PLCH1: variants seen among roughly 807,000 people sequenced by gnomAD.
PLCH1 encodes the protein 1-phosphatidylinositol 4,5-bisphosphate phosphodiesterase eta-1.
A neutral mutation model predicts 126.7 loss-of-function variants in PLCH1; 60 were observed. That is an observed-to-expected ratio of 0.47 (90% confidence interval 0.38 to 0.59). The LOEUF is 0.59. Ranked by LOEUF, PLCH1 falls within the 20% of genes least tolerant of loss-of-function variation. The probability of loss-of-function intolerance (pLI) is 0.00; values close to 1 mark genes in which losing one functional copy is unlikely to be tolerated. For missense variants in PLCH1, 1,723 were observed against 2,040.0 expected, an observed-to-expected ratio of 0.84 and a Z score of 2.99; for synonymous variants, 719 against 734.9, an observed-to-expected ratio of 0.98 and a Z score of 0.35.
intron 2 of PLCH1, among the ~76,000 whole-genome samples, chr3:155,694,952 CTTT>C (rs201292066): frequency 8.7e-5 from 10 of 115,196 alleles, no homozygotes; most frequent in Admixed American, 9.6e-5. Flanking sequence ...AAAGCTAGTG[CTTT>C]TTTTTTTTTT....
rs1348559045 is a variant in PLCH1 at position 155,593,952 on chromosome 3, C to T, written c.459G>A (p.Arg153=). Residue 153 remains arginine, a synonymous_variant, in exon 4 of 23, where the codon AGG becomes AGA. Transcript: ENST00000460012. ...TCTAGAAAGGATATTGGTCATGGGT[C>T]CTCTGCCTTTTGGCAAGGGAGTCTT... ...SDEDSLAKRQ[R]THDQWVKQTF... is the part of the protein sequence containing the mutation. The T allele has an allele frequency of 2.5e-6, 4 of 1,613,920 alleles. No homozygotes were observed. Among genetic ancestry groups the T allele is most frequent in the East Asian group, 2.2e-5 (1 of 44,890 alleles).
At chr3:155,741,684 C>CTTTTATTTTTTTTTTATTTTTATTTTTA in intron 1 of PLCH1, among the ~76,000 whole-genome samples, 1 of 102,868 alleles carries the variant, frequency 9.7e-6, no homozygotes, top group Non-Finnish European at 1.7e-5. Flanking sequence ...TTTATATCCT[C>CTTTTATTTTTTTTTTATTTTTATTTTTA]TTTTTTTTTT....
intron 5 of PLCH1, among the ~76,000 whole-genome samples, chr3:155,584,111 T>C (rs1222216441): frequency 2.6e-5 from 4 of 151,382 alleles, no homozygotes; most frequent in Non-Finnish European, 4.4e-5. Context: ...GCGAGGAAAA[T>C]AAATTATAAA....
intron 1 of PLCH1, among the ~76,000 whole-genome samples, chr3:155,744,205 G>A (rs1156868715): frequency 3.3e-5 from 5 of 152,188 alleles, no homozygotes; most frequent in African/African-American, 1.2e-4. Context: ...CAGTCGCCAA[G>A]GAAACGCCGC....
rs111282482 is a variant in PLCH1, at chr3:155,459,072, C to T, written c.2938+26284G>A. 6.2e-4 allele frequency among the ~76,000 whole-genome samples: 95 copies of T among 152,268 alleles called. 1 individual carries two copies. The highest frequency in any genetic ancestry group is 2.2e-3 in the African/African-American group (92 of 41,546). On this transcript the variant is annotated intron_variant, in intron 21 of 21. Coordinates refer to the PLCH1 transcript ENST00000494598. ...CTGTGACATTAGAATTACTAAAGCT[C>T]TTATTTGTGGCTAATTGGGATAAGG...
rs71624571 is a variant in PLCH1, at chr3:155,741,684, CTT to C, written c.-41+3154_-41+3155del. ...TCCTTTTATCATAATTTTATATCCT[CTT>C]TTTTTTTTTTTTTTTTTTGTTCAGG... On this transcript the variant is annotated intron_variant, in intron 1 of 22. Coordinates refer to ENST00000460012, the MANE Select transcript of PLCH1 (RefSeq NM_014996.4). Among the ~76,000 whole-genome samples the C allele has an allele frequency of 8.9e-3, 913 of 102,764 alleles. 1 individual carries two copies. The highest frequency in any genetic ancestry group is 0.014 in the Middle Eastern group (2 of 142). The allele number at this position is 102,764 out of a possible 152,430, so 67.4% of individuals were successfully genotyped here. A position where few individuals can be genotyped will look rare whatever the true frequency, so the allele number is the denominator to read the frequency against.
intron 2 of PLCH1, among the ~76,000 whole-genome samples, chr3:155,679,973 C>G (rs1475438090): frequency 6.6e-6 from 1 of 152,118 alleles, no homozygotes; most frequent in Non-Finnish European, 1.5e-5. Context: ...AGTTTTAGGC[C>G]TGATATCGAA....
At chr3:155,716,521 T>C (rs1406045367) in intron 1 of PLCH1, among the ~76,000 whole-genome samples, 1 of 152,202 alleles carries the variant, frequency 6.6e-6, no homozygotes, top group African/African-American at 2.4e-5. Flanking sequence ...AGGAAGCTTT[T>C]ACTAATGGTG....
chr3:155,699,362 C>G (rs1216350620), intron 2 of PLCH1, among the ~76,000 whole-genome samples: 2 of 152,222 alleles, frequency 1.3e-5, no homozygotes, highest in Non-Finnish European at 2.9e-5. Flanking sequence ...CAGGCGTGAA[C>G]CACTGCGCCC....
At chr3:155,711,703 T>A (rs1414474121) in intron 1 of PLCH1, among the ~76,000 whole-genome samples, 1 of 152,220 alleles carries the variant, frequency 6.6e-6, no homozygotes, top group Non-Finnish European at 1.5e-5. Flanking sequence ...CAGGTAGGCA[T>A]GTGGCTTAGG....
intron 2 of PLCH1, among the ~76,000 whole-genome samples, chr3:155,663,495 T>C (rs1397830708): frequency 1.3e-5 from 2 of 152,316 alleles, no homozygotes; most frequent in East Asian, 3.9e-4. Flanking sequence ...GTATTCAAGC[T>C]CCACATTATT....
At chr3:155,744,406 G>A (rs2109229627) in intron 1 of PLCH1, among the ~76,000 whole-genome samples, 1 of 152,318 alleles carries the variant, frequency 6.6e-6, no homozygotes, top group South Asian at 2.1e-4. Flanking sequence ...CAAGTGTAAC[G>A]GACGCTGCAC....
rs3067533 is a variant in PLCH1 at position 155,655,440 on chromosome 3, A to AAAG, written c.79+48703_79+48705dup. Among the ~76,000 whole-genome samples the AAAG allele has an allele frequency of 6.2e-3, 938 of 151,150 alleles. 13 individuals are homozygous for AAAG. Among genetic ancestry groups the AAAG allele is most frequent in the African/African-American group, 0.021 (860 of 41,050 alleles). ...AGCAAGAAACTTGTGAGAAAAAAAA[A>AAAG]AAGAAGAAGAAGAAGAAGAGAAAAT... On this transcript the variant is annotated intron_variant, in intron 2 of 22. Coordinates refer to ENST00000460012, the MANE Select transcript of PLCH1 (RefSeq NM_014996.4).
intron 1 of PLCH1, among the ~76,000 whole-genome samples, chr3:155,726,613 C>A (rs1269444416): frequency 2.6e-5 from 4 of 151,964 alleles, no homozygotes; most frequent in African/African-American, 9.7e-5. Flanking sequence ...AAATTCTCAG[C>A]CATTATCTCT....
Position 155,528,121 on chromosome 3 carries a change from G to A in PLCH1, c.1363-4117C>T, listed in dbSNP as rs1722205739. 2.0e-5 allele frequency among the ~76,000 whole-genome samples: 3 copies of A among 152,044 alleles called. No individual in the cohort carries two copies. In the South Asian group the frequency reaches 6.3e-4, roughly 32 times the overall value. ...CACCTGTAATCCCAGCTATTCAGGA[G>A]GCTGAGGCAGGAGAATTGCTTGAAC... On this transcript the variant is annotated intron_variant, in intron 10 of 22. Transcript: ENST00000460012.
intron 10 of PLCH1, among the ~76,000 whole-genome samples, chr3:155,539,056 G>A (rs530708407): frequency 2.8e-4 from 42 of 151,962 alleles, no homozygotes; most frequent in East Asian, 7.7e-4. Context: ...ATAATCCACC[G>A]TGATCGAGTG....
chr3:155,540,322 T>C lies in PLCH1; in HGVS notation c.1362+9465A>G, dbSNP rs190909125. Among the ~76,000 whole-genome samples, 239 of 152,224 alleles carry C rather than the reference T, an allele frequency of 1.6e-3. 1 individual carries two copies. Among genetic ancestry groups the C allele is most frequent in the African/African-American group, 5.5e-3 (227 of 41,532 alleles). Reference sequence around the variant, plus strand: ...ACACTGGAAAAACCCCTTCTAGACATTGGCTGAGGCAAAGACTTCATGACT... The same window carrying C: ...ACACTGGAAAAACCCCTTCTAGACACTGGCTGAGGCAAAGACTTCATGACT... On this transcript the variant is annotated intron_variant, in intron 10 of 22. Transcript: ENST00000460012.
chr3:155,591,837 C>G (rs1350218459), intron 4 of PLCH1, among the ~76,000 whole-genome samples: 1 of 151,940 alleles, frequency 6.6e-6, no homozygotes, highest in South Asian at 2.1e-4. Context: ...CCTGAGTAGC[C>G]GGCACTACAG....
At chr3:155,547,526 A>C (rs1339017796) in intron 10 of PLCH1, among the ~76,000 whole-genome samples, 118 of 150,980 alleles carry the variant, frequency 7.8e-4, no homozygotes, top group Middle Eastern at 3.4e-3. Context: ...TTGACCCACC[A>C]ATCCCATTAC....
Sources: gnomAD v4.1 joint callset for allele counts (sites outside exome capture counted in the v4.1 genomes callset) on GRCh38, gnomAD v4.1.1 for gene constraint, MANE v1.5 for transcripts, NCBI Gene and HGNC (gene_info 2026-07-23, HGNC 2026-07-21) for gene names.